TAOK3: variants seen among roughly 807,000 people sequenced by gnomAD.
TAOK3 encodes the protein TAO kinase 3.
A neutral mutation model predicts 120.4 loss-of-function variants in TAOK3; 40 were observed. The ratio of observed to expected loss-of-function variants is 0.33; its 90% confidence interval spans 0.26 to 0.43. The LOEUF is 0.43. TAOK3 is among the 20% of genes least tolerant of loss of function. The pLI is 1.00. For missense variants in TAOK3, 821 were observed against 1,112.1 expected, an observed-to-expected ratio of 0.74 and a Z score of 3.72; for synonymous variants, 355 against 387.5, an observed-to-expected ratio of 0.92 and a Z score of 0.99.
intron 16 of TAOK3, among the ~76,000 whole-genome samples, chr12:118,174,376 C>CTTTTTTT (rs766172789): frequency 7.5e-6 from 1 of 133,236 alleles, no homozygotes. Flanking sequence ...TGGCTTCTGG[C>CTTTTTTT]TTTTTTTTTT....
intron 1 of TAOK3, among the ~76,000 whole-genome samples, chr12:118,315,409 A>G: frequency 6.6e-6 from 1 of 152,114 alleles, no homozygotes; most frequent in East Asian, 1.9e-4. Flanking sequence ...TTGAAGAATC[A>G]TATGCAGGAT....
At chr12:118,234,980 C>G (rs1404358717) in intron 8 of TAOK3, among the ~76,000 whole-genome samples, 1 of 152,138 alleles carries the variant, frequency 6.6e-6, no homozygotes, top group Non-Finnish European at 1.5e-5. Context: ...CAAAGACTAG[C>G]TGATTTTTTT....
intron 1 of TAOK3, among the ~76,000 whole-genome samples, chr12:118,342,695 C>T (rs993964148): frequency 2.6e-5 from 4 of 152,038 alleles, no homozygotes; most frequent in South Asian, 4.1e-4. Context: ...GCAATTTTCC[C>T]GGCTGAGGCA....
At chr12:118,309,603 C>T (rs2043189750) in intron 1 of TAOK3, among the ~76,000 whole-genome samples, 1 of 151,892 alleles carries the variant, frequency 6.6e-6, no homozygotes, top group African/African-American at 2.4e-5. Context: ...GCAACCTCCG[C>T]CTTCCGGGTT....
chr12:118,363,312 C>G (rs1010088444), intron 1 of TAOK3, among the ~76,000 whole-genome samples: 1 of 151,998 alleles, frequency 6.6e-6, no homozygotes, highest in Non-Finnish European at 1.5e-5. Context: ...CAATTGCACA[C>G]AGAATTGTAT....
At chr12:118,209,226 G>C (rs1377234935) in intron 11 of TAOK3, among the ~76,000 whole-genome samples, 1 of 152,056 alleles carries the variant, frequency 6.6e-6, no homozygotes, top group Non-Finnish European at 1.5e-5. Context: ...ACACTGTAAA[G>C]CAAAAAGAAA....
chr12:118,224,735 G>A (rs1199916582), intron 9 of TAOK3, among the ~76,000 whole-genome samples: 4 of 152,038 alleles, frequency 2.6e-5, no homozygotes, highest in African/African-American at 7.3e-5. Flanking sequence ...TGATCTTTAG[G>A]AAAGAAGGAC....
chr12:118,184,630 A>G (rs962841560), intron 14 of TAOK3, among the ~76,000 whole-genome samples: 3 of 152,210 alleles, frequency 2.0e-5, no homozygotes, highest in Non-Finnish European at 4.4e-5. Context: ...CAACACCCAA[A>G]AAAGTCAAAG....
chr12:118,172,235 G>T (rs983715493), intron 17 of TAOK3, among the ~76,000 whole-genome samples: 1 of 152,132 alleles, frequency 6.6e-6, no homozygotes, highest in African/African-American at 2.4e-5. Context: ...TCTATTACAT[G>T]TATTTAGATG....
intron 1 of TAOK3, among the ~76,000 whole-genome samples, chr12:118,324,944 C>T (rs2140977774): frequency 6.6e-6 from 1 of 151,922 alleles, no homozygotes; most frequent in African/African-American, 2.4e-5. Context: ...GACGGGGTTT[C>T]ACCGTGTTAG....
intron 14 of TAOK3, among the ~76,000 whole-genome samples, chr12:118,185,310 C>T (rs1195837671): frequency 6.6e-6 from 1 of 152,094 alleles, no homozygotes; most frequent in Non-Finnish European, 1.5e-5. Flanking sequence ...CAGCAAAATT[C>T]GGCCCTAAAA....
intron 1 of TAOK3, among the ~76,000 whole-genome samples, chr12:118,296,241 CCTGA>C (rs1679377439): frequency 6.6e-6 from 1 of 152,182 alleles, no homozygotes; most frequent in Admixed American, 6.5e-5. Context: ...AAGCGATTCT[CCTGA>C]CTCAGTCTCC....
chr12:118,276,545 C>CA (rs934009870), intron 1 of TAOK3, among the ~76,000 whole-genome samples: 28 of 151,494 alleles, frequency 1.8e-4, no homozygotes, highest in African/African-American at 3.1e-4. Context: ...ATTAAAAATA[C>CA]AAAAAAAATA....
At chr12:118,249,560 T>TA (rs772488477) in intron 3 of TAOK3, among the ~76,000 whole-genome samples, 1,526 of 107,200 alleles carry the variant, frequency 0.014, 18 homozygotes, top group African/African-American at 0.043. Context: ...AGATTTTGTC[T>TA]AAAAAAAAAA....
chr12:118,209,097 G>A (rs2038489103), intron 11 of TAOK3, among the ~76,000 whole-genome samples: 1 of 152,162 alleles, frequency 6.6e-6, no homozygotes, highest in Admixed American at 6.6e-5. Context: ...AATAGCAAAA[G>A]ATTGGAAACA....
At chr12:118,301,722 G>A (rs2042886637) in intron 1 of TAOK3, among the ~76,000 whole-genome samples, 1 of 151,680 alleles carries the variant, frequency 6.6e-6, no homozygotes, top group South Asian at 2.1e-4. Flanking sequence ...CTTGCATGTA[G>A]TCCCAGCTAC....
chr12:118,265,396 A>C (rs921066850), intron 2 of TAOK3, among the ~76,000 whole-genome samples: 36 of 83,550 alleles, frequency 4.3e-4, no homozygotes, highest in Non-Finnish European at 8.1e-4. Flanking sequence ...CTCAGGAAGA[A>C]AAAAAAAAAA....
chr12:118,339,097 C>T (rs1013088708), intron 1 of TAOK3, among the ~76,000 whole-genome samples: 1 of 152,074 alleles, frequency 6.6e-6, no homozygotes, highest in African/African-American at 2.4e-5. Context: ...GAGATTTGGA[C>T]TTTCACATGA....
intron 1 of TAOK3, among the ~76,000 whole-genome samples, chr12:118,337,491 C>T (rs1199448803): frequency 6.6e-6 from 1 of 152,142 alleles, no homozygotes; most frequent in Non-Finnish European, 1.5e-5. Context: ...TATTCCTAAT[C>T]GCCAAACGCT....
Sources: allele counts gnomAD v4.1 joint callset (sites outside exome capture counted in the v4.1 genomes callset), GRCh38; gene constraint gnomAD v4.1.1; transcripts MANE v1.5; gene names NCBI Gene and HGNC (gene_info 2026-07-23, HGNC 2026-07-21).